HAUS8: variants seen among roughly 807,000 people sequenced by gnomAD.
HAUS8 encodes HAUS augmin-like complex subunit 8.
A neutral mutation model predicts 42.9 loss-of-function variants in HAUS8; 38 were observed. That is an observed-to-expected ratio of 0.89 (90% confidence interval 0.68 to 1.16). The LOEUF (loss-of-function observed/expected upper bound fraction) is 1.16. Ranked by LOEUF, HAUS8 falls within the 50% of genes most tolerant of loss-of-function variation. The probability of loss-of-function intolerance (pLI) is 0.00; values close to 1 mark genes in which losing one functional copy is unlikely to be tolerated. For missense variants in HAUS8, 494 were observed against 511.6 expected (o/e 0.97, Z 0.33); for synonymous variants, 199 against 205.8 (o/e 0.97, Z 0.28).
intron 5 of HAUS8, 148 bp from the exon 6 acceptor site, chr19:17,059,799 G>A: frequency 2.9e-6 from 2 of 683,442 alleles, no homozygotes; most frequent in Non-Finnish European, 5.0e-6. Flanking sequence ...AGTTAAAGTT[G>A]TTCAACTTTG....
chr19:17,052,793 C>T (rs761906781), intron 10 of HAUS8, 32 bp downstream of exon 10: 1 of 1,613,432 alleles, frequency 6.2e-7, no homozygotes. Context: ...AAACAGGGTG[C>T]CACCTCTTTC....
At position 17,055,789 on chromosome 19, in the gene HAUS8, G is replaced by A. The variant is rs1043028670; in HGVS notation, c.787+72C>T. The A allele has an allele frequency of 5.4e-6, 8 of 1,484,784 alleles. No individual in the cohort carries two copies. The African/African-American group carries it at 5.5e-5, about 10-fold the overall frequency. 92.0% of individuals were successfully genotyped at this position (1,484,784 alleles called of 1,614,324 possible). A position where few individuals can be genotyped will look rare whatever the true frequency, so the allele number is the denominator to read the frequency against. On this transcript the variant is annotated intron_variant, in intron 9 of 10. Coordinates refer to ENST00000253669, the MANE Select transcript of HAUS8 (RefSeq NM_033417.2). ...AGGGCACTTGCGGTGATGACATCAG[G>A]CCCACAGGAAGCACCCACACACGCT...
intron 2 of HAUS8, 68 bp from the exon 3 acceptor site, chr19:17,069,154 C>T: frequency 1.4e-6 from 2 of 1,434,260 alleles, no homozygotes; most frequent in Non-Finnish European, 1.9e-6. Context: ...ACCCAGACCC[C>T]ACGCCCCGGA....
At chr19:17,065,094 C>T (rs1271938721) in intron 3 of HAUS8, among the ~76,000 whole-genome samples, 1 of 152,174 alleles carries the variant, frequency 6.6e-6, no homozygotes, top group Non-Finnish European at 1.5e-5. Flanking sequence ...TGAAAAGATG[C>T]TCAATATCAT....
intron 1 of HAUS8, chr19:17,074,963 G>A (rs2057458542): frequency 1.1e-5 from 2 of 184,490 alleles, no homozygotes; most frequent in South Asian, 2.2e-4. Flanking sequence ...AAAGCGCGTG[G>A]GAGGATTAAA....
At position 17,060,049 on chromosome 19, in the gene HAUS8, C is replaced by T. The variant is rs151074071; in HGVS notation, c.273G>A (p.Leu91=). ...GVGKGDLQST[L]LEGHGTAPPD... ...GTGGAGCTGTGCCATGCCCTTCCAG[C>T]AACGTGGACTGCAGGTCACCCTTTC... The change falls in exon 5 of 11, where the codon TTG becomes TTA. Residue 91 remains leucine (L), a synonymous_variant. Coordinates refer to ENST00000253669, the MANE Select transcript of HAUS8 (RefSeq NM_033417.2). The T allele has an allele frequency of 8.1e-6, 13 of 1,613,600 alleles. No individual in the cohort carries two copies. In the African/African-American group the frequency reaches 1.7e-4, roughly 22 times the overall value.
At chr19:17,053,808 A>C (rs1051114489) in intron 9 of HAUS8, 2 of 151,802 alleles carry the variant, frequency 1.3e-5, no homozygotes, top group African/African-American at 4.8e-5. Context: ...GATTACCGGC[A>C]CCTGCCACCA....
At position 17,050,921 on chromosome 19, in the gene HAUS8, G is replaced by A. The variant is rs192319432; in HGVS notation, c.930-745C>T. 3.2e-3 allele frequency among the ~76,000 whole-genome samples: 485 copies of A among 152,076 alleles called. 3 individuals carry two copies. The highest frequency in any genetic ancestry group is 0.014 in the Middle Eastern group (4 of 294). ...TCAAAAAAAAAAAAATTAGCTGGGT[G>A]CAGTGGTGCACGCCTGTAGTCCCAG... On this transcript the variant is annotated intron_variant, in intron 10 of 10. Transcript: ENST00000253669.
chr19:17,074,031 A>G (rs2057446931), intron 1 of HAUS8: 1 of 152,162 alleles, frequency 6.6e-6, no homozygotes, highest in Non-Finnish European at 1.5e-5. Flanking sequence ...AAAAATAAAA[A>G]TAAAAATAGA....
intron 9 of HAUS8, 115 bp from the exon 10 acceptor site, chr19:17,053,081 G>T: frequency 2.4e-6 from 3 of 1,232,050 alleles, no homozygotes; most frequent in Non-Finnish European, 2.3e-6. Flanking sequence ...CGCTGGAACC[G>T]TGGAGAGCGC....
At chr19:17,071,158 T>C (rs371883009) in intron 2 of HAUS8, among the ~76,000 whole-genome samples, 4 of 151,924 alleles carry the variant, frequency 2.6e-5, no homozygotes, top group East Asian at 1.9e-4. Flanking sequence ...GAGAGTGACA[T>C]GCTCAATGTC....
chr19:17,069,055 C>A lies in HAUS8; in HGVS notation c.123G>T (p.Gln41His). 2 of 1,613,502 alleles carry A rather than the reference C, an allele frequency of 1.2e-6. No homozygotes were observed. The highest frequency in any genetic ancestry group is 1.7e-6 in the Non-Finnish European group (2 of 1,179,740). Reference protein sequence around the residue: ...GGRVIESRYLQYEKKTTQKAP... With the variant: ...GGRVIESRYLHYEKKTTQKAP... Reference sequence around the variant, plus strand: ...CCTTTTGGGTTGTCTTCTTTTCATACTGCAGATACCGGGACTCAATCACTC... The same window carrying A: ...CCTTTTGGGTTGTCTTCTTTTCATAATGCAGATACCGGGACTCAATCACTC... The change falls in exon 3 of 11, where the codon CAG becomes CAT. Residue 41 changes from glutamine (Q) to histidine (H), a missense_variant. By Grantham distance (24) the Gln-to-His change is conservative. Coordinates refer to ENST00000253669, the MANE Select transcript of HAUS8 (RefSeq NM_033417.2).
chr19:17,075,328 T>C, intron 1 of HAUS8, 66 bp downstream of exon 1: 1 of 1,580,190 alleles, frequency 6.3e-7, no homozygotes. Context: ...ACTCCCCACC[T>C]CCGCTGCCCA....
intron 3 of HAUS8, among the ~76,000 whole-genome samples, chr19:17,067,641 A>G (rs2057394923): frequency 6.6e-6 from 1 of 152,216 alleles, no homozygotes; most frequent in Non-Finnish European, 1.5e-5. Context: ...AGTCTTGGCA[A>G]CAACATGAAA....
rs1344522544 is a variant in HAUS8 at position 17,055,144 on chromosome 19, ATATATATATATATATAT to A, written c.787+700_787+716del. 1.7e-3 allele frequency: 4 copies of A among 2,380 alleles called. 1 individual carries two copies. The highest frequency in any genetic ancestry group is 2.9e-3 in the African/African-American group (2 of 694). The allele number at this position is 2,380 out of a possible 1,614,324, so 0.1% of individuals were successfully genotyped here. On this transcript the variant is annotated intron_variant, in intron 9 of 10. Transcript: ENST00000253669. ...AAAAAAAAAAAAAAAAAAAAAAAAA[ATATATATATATATATAT>A]ATATATATATATATATATATATATA...
At chr19:17,073,174 A>C in intron 2 of HAUS8, 100 bp downstream of exon 2, 1 of 1,048,198 alleles carries the variant, frequency 9.5e-7, no homozygotes, top group Non-Finnish European at 1.5e-6. Context: ...AAGGAAGTAA[A>C]GCCACAGGCC....
Position 17,058,863 on chromosome 19 carries a change from G to A in HAUS8, c.434C>T (p.Ala145Val), listed in dbSNP as rs572498476. 9.9e-6 allele frequency: 16 copies of A among 1,612,326 alleles called. No individual in the cohort carries two copies. The East Asian group carries it at 3.6e-4, about 36-fold the overall frequency. The change falls in exon 7 of 11, where the codon GCA becomes GTA. Residue 145 changes from alanine to valine, a missense_variant. Physicochemically the swap from Ala to Val is moderately conservative, Grantham distance 64. Transcript: ENST00000253669. ...TGTCTGAGACTCCATCATTTCCATT[G>A]CTTCAGATAAATCCTTAAGAAAAGA... ...PRKKSPDLSE[A>V]MEMMESQTLL...
intron 2 of HAUS8, among the ~76,000 whole-genome samples, chr19:17,071,498 AAG>A (rs1201922192): frequency 1.3e-5 from 2 of 152,142 alleles, no homozygotes; most frequent in African/African-American, 4.8e-5. Context: ...AGGCCACAAA[AAG>A]AGTCTACCCT....
At chr19:17,058,177 C>G (rs1365816329) in intron 8 of HAUS8, among the ~76,000 whole-genome samples, 2 of 152,226 alleles carry the variant, frequency 1.3e-5, no homozygotes, top group African/African-American at 4.8e-5. Flanking sequence ...CTGTCCTTCT[C>G]CCACATGGAC....
Sources: allele counts gnomAD v4.1 joint callset (sites outside exome capture counted in the v4.1 genomes callset), GRCh38; gene constraint gnomAD v4.1.1; transcripts MANE v1.5; gene names NCBI Gene and HGNC (gene_info 2026-07-23, HGNC 2026-07-21).